Variants in OTC observed in about 807,000 individuals in gnomAD.
The protein encoded by OTC is ornithine transcarbamylase, mitochondrial.
A neutral mutation model predicts 30.3 loss-of-function variants in OTC; 3 were observed. That is an observed-to-expected ratio of 0.10 (90% confidence interval 0.05 to 0.26). The LOEUF (loss-of-function observed/expected upper bound fraction) is 0.26. OTC is among the 10% of genes least tolerant of loss of function. OTC has a pLI of 1.00. For missense variants in OTC, 194 were observed against 260.3 expected (o/e 0.75, Z 1.75); for synonymous variants, 111 against 99.7 (o/e 1.11, Z -0.67).
chrX:38,332,423 A>G, the OTC span, among the ~76,000 whole-genome samples: 4 of 98,376 alleles, frequency 4.1e-5, no homozygotes, highest in Non-Finnish European at 8.2e-5. Context: ...GTCTTCCACA[A>G]AACTGGTCTC....
At chrX:38,401,951 T>G (rs2068491531) in intron 5 of OTC, among the ~76,000 whole-genome samples, 1 of 112,084 alleles carries the variant, frequency 8.9e-6, no homozygotes. Flanking sequence ...TTAGCCATTC[T>G]AGTCCTCCCA....
At chrX:38,345,596 A>G in the OTC span, among the ~76,000 whole-genome samples, 1 of 108,291 alleles carries the variant, frequency 9.2e-6, no homozygotes, top group South Asian at 4.1e-4. Context: ...GCTGGAGTGC[A>G]GTGGTGAGAA....
At chrX:38,416,197 A>G (rs910454491) in intron 9 of OTC, among the ~76,000 whole-genome samples, 2 of 112,017 alleles carry the variant, frequency 1.8e-5, no homozygotes, top group African/African-American at 6.5e-5. Flanking sequence ...GCATTTTTTA[A>G]AGCAGAAGTG....
At chrX:38,367,474 T>C in intron 2 of OTC, 45 bp downstream of exon 2, 1 of 1,105,001 alleles carries the variant, frequency 9.0e-7, no homozygotes, top group Non-Finnish European at 1.2e-6. Context: ...CCAGTCCCCT[T>C]TTTTTAAAGG....
At chrX:38,398,725 T>C (rs2068469656) in intron 4 of OTC, among the ~76,000 whole-genome samples, 2 of 111,430 alleles carry the variant, frequency 1.8e-5, no homozygotes, top group Admixed American at 1.9e-4. Context: ...TACCTCCACT[T>C]AAGTTACTTT....
intron 3 of OTC, among the ~76,000 whole-genome samples, chrX:38,379,038 G>C (rs2068363557): frequency 9.0e-6 from 1 of 111,526 alleles, no homozygotes; most frequent in Admixed American, 9.5e-5. Flanking sequence ...TGAAGGGTCA[G>C]GCAGGGAGAG....
intron 6 of OTC, among the ~76,000 whole-genome samples, chrX:38,404,058 G>A (rs967829317): frequency 8.9e-6 from 1 of 112,269 alleles, no homozygotes; most frequent in African/African-American, 3.2e-5. Context: ...CCACCACAAA[G>A]GCTGAAGAAA....
intron 1 of OTC, among the ~76,000 whole-genome samples, chrX:38,360,168 G>A (rs1380569806): frequency 3.6e-5 from 4 of 110,322 alleles, no homozygotes; most frequent in Non-Finnish European, 5.7e-5. Context: ...TGATCCGCCC[G>A]CCTCGTCCTC....
At chrX:38,336,857 C>T in the OTC span, among the ~76,000 whole-genome samples, 1 of 111,522 alleles carries the variant, frequency 9.0e-6, no homozygotes, top group Non-Finnish European at 1.9e-5. Context: ...AGCTCAGAAA[C>T]AAGGTAGTTC....
chrX:38,393,631 TA>T (rs2068439829), intron 4 of OTC, among the ~76,000 whole-genome samples: 1 of 112,315 alleles, frequency 8.9e-6, no homozygotes, highest in Admixed American at 9.5e-5. Flanking sequence ...AACGGGTTGC[TA>T]AATTCAAGGT....
At chrX:38,370,414 ACAT>A (rs1256890806) in intron 3 of OTC, among the ~76,000 whole-genome samples, 1 of 111,848 alleles carries the variant, frequency 8.9e-6, no homozygotes, top group Middle Eastern at 4.6e-3. Context: ...GGTCATTAGA[ACAT>A]CATCATCAAA....
Position 38,381,324 on chromosome X carries a change from C to CTTT in OTC, c.299-10_299-8dup. The CTTT allele has an allele frequency of 2.1e-6, 2 of 940,597 alleles. No homozygotes were observed. Among genetic ancestry groups the CTTT allele is most frequent in the African/African-American group, 2.0e-5 (1 of 49,134 alleles). 77.5% of individuals were successfully genotyped at this position (940,597 alleles called of 1,213,427 possible). On this transcript the variant is annotated splice_polypyrimidine_tract_variant and intron_variant, in intron 3 of 9. Transcript: ENST00000039007. ...GTTGTTTTTTCAAAATGATTTTTTTCTTTTTTTTTTATTGTAGGCTTTGCA... is the reference window on the plus strand; with the variant it reads ...GTTGTTTTTTCAAAATGATTTTTTTCTTTTTTTTTTTTTATTGTAGGCTTTGCA...
intron 3 of OTC, among the ~76,000 whole-genome samples, chrX:38,374,572 T>C (rs953933620): frequency 9.0e-6 from 1 of 111,579 alleles, no homozygotes; most frequent in Non-Finnish European, 1.9e-5. Context: ...CACTTTCTGT[T>C]ACTCTTCTTC....
intron 1 of OTC, 30 bp from the exon 2 acceptor site, chrX:38,367,261 T>C: frequency 8.5e-7 from 1 of 1,169,875 alleles, no homozygotes; most frequent in South Asian, 1.8e-5. Context: ...CTGAAATACA[T>C]ATTTCTCCCT....
At chrX:38,331,162 C>G in the OTC span, among the ~76,000 whole-genome samples, 6 of 111,901 alleles carry the variant, frequency 5.4e-5, no homozygotes, top group East Asian at 1.7e-3. Flanking sequence ...TAATTTAAGC[C>G]AGGAGGAGGT....
the OTC span, among the ~76,000 whole-genome samples, chrX:38,342,677 G>T: frequency 8.9e-6 from 1 of 111,822 alleles, no homozygotes; most frequent in Admixed American, 9.5e-5. Flanking sequence ...GGAAGAAATG[G>T]TGAACTCCAG....
chrX:38,338,730 GAA>G, the OTC span, among the ~76,000 whole-genome samples: 2 of 112,366 alleles, frequency 1.8e-5, no homozygotes, highest in Non-Finnish European at 3.8e-5. Flanking sequence ...AGTCTAGAGA[GAA>G]ATACTTGGGC....
intron 4 of OTC, among the ~76,000 whole-genome samples, chrX:38,388,066 G>A (rs1389166285): frequency 8.9e-6 from 1 of 111,807 alleles, no homozygotes; most frequent in African/African-American, 3.3e-5. Context: ...ACCTCAAGGC[G>A]CTATGTTAGC....
intron 3 of OTC, among the ~76,000 whole-genome samples, chrX:38,376,127 TGA>T (rs771699330): frequency 8.2e-4 from 87 of 106,164 alleles, no homozygotes; most frequent in African/African-American, 2.8e-3. Context: ...ATAACTTTGG[TGA>T]GAGGAGTTTT....
Sources: gnomAD v4.1 joint callset for allele counts (sites outside exome capture counted in the v4.1 genomes callset) on GRCh38, gnomAD v4.1.1 for gene constraint, MANE v1.5 for transcripts, NCBI Gene and HGNC (gene_info 2026-07-23, HGNC 2026-07-21) for gene names.